Variants in CANX observed in about 807,000 individuals in gnomAD.
CANX encodes the protein calnexin.
CANX carries 14 observed loss-of-function variants against 75.7 expected under a neutral mutation model. The observed-to-expected ratio is 0.19, with a 90% CI of 0.12 to 0.29. The LOEUF is 0.29. CANX is among the 10% of genes least tolerant of loss of function. The pLI is 1.00. For missense variants in CANX, 567 were observed against 713.2 expected (o/e 0.79, Z 2.34); for synonymous variants, 227 against 236.9 (o/e 0.96, Z 0.38).
At chr5:179,701,736 CTTTTTTTTTT>C (rs558907168) in intron 1 of CANX, among the ~76,000 whole-genome samples, 24 of 44,006 alleles carry the variant, frequency 5.5e-4, no homozygotes, top group African/African-American at 1.5e-3. Flanking sequence ...AACAGATGTA[CTTTTTTTTTT>C]TTTTTTTTTT....
At chr5:179,695,644 A>AGACAGGG (rs981376237), upstream of CANX, among the ~76,000 whole-genome samples, 6 of 144,398 alleles carry the variant, frequency 4.2e-5, no homozygotes, top group South Asian at 4.3e-4. Flanking sequence ...TTATTTATTT[A>AGACAGGG]TTTATTTTTA....
intron 7 of CANX, among the ~76,000 whole-genome samples, chr5:179,713,355 A>C (rs1777710299): frequency 6.6e-6 from 1 of 152,220 alleles, no homozygotes; most frequent in Non-Finnish European, 1.5e-5. Flanking sequence ...TACAGGCGTG[A>C]GCCACTGAGC....
At position 179,720,395 on chromosome 5, in the gene CANX, C is replaced by T. The variant is rs1167530386; in HGVS notation, c.1026-9C>T. 3 of 1,612,832 alleles carry T rather than the reference C, an allele frequency of 1.9e-6. No homozygotes were observed. The highest frequency in any genetic ancestry group is 2.5e-6 in the Non-Finnish European group (3 of 1,179,018). On this transcript the variant is annotated splice_polypyrimidine_tract_variant and intron_variant, in intron 9 of 14. Transcript: ENST00000247461. ...ACCTGTTTATAATTTGTTGTTTGTA[C>T]CTCCGTAGGGATGAAGACATGGATG... is the stretch of plus-strand genomic sequence containing the variant.
At chr5:179,679,540 G>A (rs1391249824) in intron 1 of CANX, among the ~76,000 whole-genome samples, 1 of 152,230 alleles carries the variant, frequency 6.6e-6, no homozygotes, top group East Asian at 1.9e-4. Flanking sequence ...AGGGTGAGGG[G>A]TAGGGAATGG....
At chr5:179,682,661 G>T (rs1187213852) in intron 1 of CANX, among the ~76,000 whole-genome samples, 3 of 129,150 alleles carry the variant, frequency 2.3e-5, no homozygotes, top group African/African-American at 9.0e-5. Context: ...AGTTAGCCGA[G>T]ATCACACCAC....
chr5:179,716,722 C>T (rs1313542415), intron 8 of CANX, among the ~76,000 whole-genome samples: 7 of 152,160 alleles, frequency 4.6e-5, no homozygotes, highest in Non-Finnish European at 7.3e-5. Flanking sequence ...ACAAGGACAC[C>T]ACCATCTGCC....
intron 1 of CANX, among the ~76,000 whole-genome samples, chr5:179,684,926 ATTTTTTTTTTTTTTT>A (rs71001039): frequency 4.1e-5 from 2 of 49,138 alleles, no homozygotes; most frequent in Admixed American, 3.3e-4. Context: ...CTAATTTTGT[ATTTTTTTTTTTTTTT>A]TTTTTTTTTT....
chr5:179,686,130 G>A (rs979211956), intron 1 of CANX, among the ~76,000 whole-genome samples: 2 of 129,422 alleles, frequency 1.5e-5, no homozygotes, highest in East Asian at 2.4e-4. Flanking sequence ...ACGGAGTCTC[G>A]CTCTGTCACC....
At chr5:179,680,265 G>A (rs1368219650) in intron 1 of CANX, among the ~76,000 whole-genome samples, 2 of 152,250 alleles carry the variant, frequency 1.3e-5, no homozygotes, top group African/African-American at 4.8e-5. Context: ...GTGGGTAAGA[G>A]GGAACTGCTG....
intron 1 of CANX, among the ~76,000 whole-genome samples, chr5:179,705,369 A>G (rs1005926883): frequency 6.6e-6 from 1 of 152,104 alleles, no homozygotes; most frequent in Non-Finnish European, 1.5e-5. Flanking sequence ...AAAGCACTTT[A>G]CAAATGCAAA....
intron 1 of CANX, among the ~76,000 whole-genome samples, chr5:179,682,483 G>A (rs1033231859): frequency 6.6e-6 from 1 of 152,194 alleles, no homozygotes; most frequent in South Asian, 2.1e-4. Flanking sequence ...GGCCGAGGCA[G>A]GCAAATCACC....
At chr5:179,679,219 C>T in intron 1 of CANX, 1 of 1,533,594 alleles carries the variant, frequency 6.5e-7, no homozygotes, top group Non-Finnish European at 8.7e-7. Context: ...GCTCTTGTCT[C>T]GGGAGCCCGG....
Position 179,693,357 on chromosome 5 carries a change from A to T in CANX, c.-3-12322A>T, listed in dbSNP as rs77892642. ...GAGTTTGAGACCAGCCTGGGCAAGA[A>T]AGTGAGACTCTATCTCTACAAAAAA... On this transcript the variant is annotated intron_variant, in intron 1 of 14. Coordinates refer to the CANX transcript ENST00000681674. 1.0e-4 allele frequency among the ~76,000 whole-genome samples: 7 copies of T among 68,472 alleles called. 1 individual carries two copies. Among genetic ancestry groups the T allele is most frequent in the Admixed American group, 5.2e-4 (3 of 5,776 alleles). The allele number at this position is 68,472 out of a possible 152,430, so 44.9% of individuals were successfully genotyped here. A position where few individuals can be genotyped will look rare whatever the true frequency, so the allele number is the denominator to read the frequency against.
At chr5:179,687,699 A>G (rs1384459120) in intron 1 of CANX, among the ~76,000 whole-genome samples, 4 of 152,076 alleles carry the variant, frequency 2.6e-5, no homozygotes, top group African/African-American at 7.2e-5. Flanking sequence ...CCAGTGATTC[A>G]TATTCATTCT....
At chr5:179,723,457 T>C (rs1045336142) in intron 11 of CANX, 17 of 513,778 alleles carry the variant, frequency 3.3e-5, no homozygotes, top group African/African-American at 3.0e-4. Flanking sequence ...CTTTTGCACC[T>C]ATGAGAGTGA....
chr5:179,715,051 C>T (rs1777840324), intron 7 of CANX, among the ~76,000 whole-genome samples: 1 of 152,226 alleles, frequency 6.6e-6, no homozygotes, highest in Non-Finnish European at 1.5e-5. Flanking sequence ...AGGCATGAGC[C>T]ACCACACCCG....
upstream of CANX, among the ~76,000 whole-genome samples, chr5:179,694,997 A>G (rs1243327519): frequency 6.6e-6 from 1 of 152,236 alleles, no homozygotes; most frequent in Non-Finnish European, 1.5e-5. Context: ...TTTTGAAAAA[A>G]GTACAAAAGC....
intron 1 of CANX, among the ~76,000 whole-genome samples, chr5:179,689,975 G>C (rs929568311): frequency 6.6e-6 from 1 of 152,074 alleles, no homozygotes; most frequent in Non-Finnish European, 1.5e-5. Flanking sequence ...GTGTGCTACC[G>C]GGTCCCAACA....
intron 1 of CANX, among the ~76,000 whole-genome samples, chr5:179,682,827 C>T (rs1483282883): frequency 2.0e-5 from 3 of 151,826 alleles, no homozygotes; most frequent in Non-Finnish European, 4.4e-5. Flanking sequence ...AGATGTGGTG[C>T]TCGGTGAAGG....
Sources: gnomAD v4.1 joint callset for allele counts (sites outside exome capture counted in the v4.1 genomes callset) on GRCh38, gnomAD v4.1.1 for gene constraint, MANE v1.5 for transcripts, NCBI Gene and HGNC (gene_info 2026-07-23, HGNC 2026-07-21) for gene names.